Variants in NPM1 observed in about 807,000 individuals in gnomAD.
NPM1 encodes the protein nucleophosmin 1, also known as nucleophosmin.
In NPM1, 1 loss-of-function variant was observed where a neutral mutation model predicts 44.1. That is an observed-to-expected ratio of 0.02 (90% CI 0.01 to 0.11). NPM1 has a LOEUF of 0.11. Ranked by LOEUF, NPM1 falls within the 10% of genes least tolerant of loss-of-function variation. The pLI is 1.00. For synonymous variants in NPM1, 126 were observed against 111.8 expected (o/e 1.13, Z -0.80); for missense variants, 197 against 347.8 (o/e 0.57, Z 3.45).
rs80081351 is a variant in NPM1, at chr5:171,393,876, T to C, written c.524+898T>C. On this transcript the variant is annotated intron_variant, in intron 6 of 10. Transcript: ENST00000296930. ...GACCAGGCGCAGTGGTTCACACCCG[T>C]AATCCTAACACCCAGCCAAGATGAG... Among the ~76,000 whole-genome samples the C allele has an allele frequency of 6.9e-3, 1,044 of 152,256 alleles. 18 individuals are homozygous for C. The highest frequency in any genetic ancestry group is 0.066 in the South Asian group (318 of 4,820).
rs976394624 is a variant in NPM1 at position 171,387,883 on chromosome 5, T to C, written c.-66T>C. 10 of 1,483,710 alleles carry C rather than the reference T, an allele frequency of 6.7e-6. No individual in the cohort carries two copies. Among genetic ancestry groups the C allele is most frequent in the African/African-American group, 4.2e-5 (3 of 72,202 alleles). 91.9% of individuals were successfully genotyped at this position (1,483,710 alleles called of 1,614,324 possible). A position where few individuals can be genotyped will look rare whatever the true frequency, so the allele number is the denominator to read the frequency against. On this transcript the variant is annotated 5_prime_UTR_variant, in exon 1 of 11. Coordinates refer to ENST00000296930, the MANE Select transcript of NPM1 (RefSeq NM_002520.7). Reference sequence around the variant, plus strand: ...GTGTGATTCCGTCCTGCGCGGTTGTTCTCTGGAGCAGCGTTCTTTTATCTC... The same window carrying C: ...GTGTGATTCCGTCCTGCGCGGTTGTCCTCTGGAGCAGCGTTCTTTTATCTC...
intron 8 of NPM1, among the ~76,000 whole-genome samples, chr5:171,403,696 C>T (rs1365077157): frequency 6.1e-5 from 9 of 148,058 alleles, no homozygotes; most frequent in Non-Finnish European, 1.2e-4. Context: ...GCTGACCCCC[C>T]CACCTCCCTC....
chr5:171,397,114 C>T (rs1401202036), intron 6 of NPM1, among the ~76,000 whole-genome samples: 12 of 152,236 alleles, frequency 7.9e-5, no homozygotes, highest in African/African-American at 2.6e-4. Flanking sequence ...TAGTCAACCA[C>T]GAATGAACTT....
intron 6 of NPM1, 102 bp from the exon 7 acceptor site, chr5:171,400,051 T>G (rs1274921987): frequency 2.8e-6 from 2 of 725,646 alleles, no homozygotes; most frequent in Non-Finnish European, 4.9e-6. Context: ...AATGCTTCGA[T>G]AAACATGGGT....
chr5:171,402,102 C>A (rs1044737832), intron 8 of NPM1, among the ~76,000 whole-genome samples: 2 of 135,966 alleles, frequency 1.5e-5, no homozygotes, highest in Admixed American at 7.7e-5. Flanking sequence ...ACAATTTAAA[C>A]GAATAAATTT....
intron 8 of NPM1, among the ~76,000 whole-genome samples, chr5:171,404,624 C>G (rs1475397891): frequency 8.2e-5 from 10 of 122,384 alleles, no homozygotes; most frequent in Non-Finnish European, 1.5e-4. Context: ...GGATGGCGGC[C>G]GGGCGGAGAC....
intron 6 of NPM1, among the ~76,000 whole-genome samples, chr5:171,395,015 C>CT (rs1371279539): frequency 6.6e-6 from 1 of 151,308 alleles, no homozygotes; most frequent in Non-Finnish European, 1.5e-5. Flanking sequence ...CCGGTATCTA[C>CT]TAAAAATACA....
chr5:171,410,804 G>A lies in NPM1; in HGVS notation c.*239G>A. 5.3e-6 allele frequency: 2 copies of A among 380,822 alleles called. No homozygotes were observed. The highest frequency in any genetic ancestry group is 9.3e-6 in the Non-Finnish European group (2 of 213,964). 23.6% of individuals were successfully genotyped at this position (380,822 alleles called of 1,614,324 possible). A position where few individuals can be genotyped will look rare whatever the true frequency, so the allele number is the denominator to read the frequency against. On this transcript the variant is annotated 3_prime_UTR_variant, in exon 11 of 11. Transcript: ENST00000296930. ...GTATGGAATGTTATGATAGGACATA[G>A]TAGTAGCGGTGGTCAGACATGGAAA...
chr5:171,408,430 G>A (rs1401269622), intron 10 of NPM1, among the ~76,000 whole-genome samples: 2 of 152,134 alleles, frequency 1.3e-5, no homozygotes, highest in South Asian at 2.1e-4. Flanking sequence ...GCATTTAATG[G>A]TCTTTAGGTT....
chr5:171,394,009 A>G (rs184826125), intron 6 of NPM1, among the ~76,000 whole-genome samples: 1 of 151,808 alleles, frequency 6.6e-6, no homozygotes, highest in East Asian at 1.9e-4. Context: ...GCAAACTTAA[A>G]GGTAGTATTT....
At chr5:171,391,130 C>T in intron 2 of NPM1, 175 bp from the exon 3 acceptor site, 1 of 683,430 alleles carries the variant, frequency 1.5e-6, no homozygotes, top group Non-Finnish European at 2.4e-6. Flanking sequence ...GCTATACCAT[C>T]TAGGTTTGTA....
intron 8 of NPM1, among the ~76,000 whole-genome samples, chr5:171,403,606 CCCGGACGGGGCGGCTGG>C (rs1421147191): frequency 8.4e-6 from 1 of 118,828 alleles, no homozygotes; most frequent in Non-Finnish European, 1.9e-5. Flanking sequence ...CCCCTCACCT[CCCGGACGGGGCGGCTGG>C]CCGGGCAGGG....
At chr5:171,389,478 TG>T (rs1186716528) in intron 1 of NPM1, among the ~76,000 whole-genome samples, 1 of 152,248 alleles carries the variant, frequency 6.6e-6, no homozygotes, top group Non-Finnish European at 1.5e-5. Flanking sequence ...CAGTACTTTT[TG>T]ATAACTATCG....
upstream of NPM1, among the ~76,000 whole-genome samples, chr5:171,387,463 A>T (rs939185167): frequency 2.0e-5 from 3 of 152,204 alleles, no homozygotes; most frequent in African/African-American, 7.2e-5. Flanking sequence ...CTAACCCGCC[A>T]TATCTTACAC....
intron 8 of NPM1, among the ~76,000 whole-genome samples, chr5:171,401,549 G>A (rs1771203861): frequency 6.6e-6 from 1 of 152,166 alleles, no homozygotes; most frequent in South Asian, 2.1e-4. Context: ...CGATTCTCCT[G>A]CCTCAGCTTC....
intron 9 of NPM1, 95 bp from the exon 10 acceptor site, chr5:171,407,605 C>G: frequency 5.4e-6 from 4 of 743,860 alleles, no homozygotes; most frequent in Middle Eastern, 3.2e-4. Context: ...TAAACTGATC[C>G]ATGTAGTAGC....
chr5:171,388,053 C>T (rs1561861893), intron 1 of NPM1, 47 bp downstream of exon 1: 2 of 589,622 alleles, frequency 3.4e-6, no homozygotes, highest in Non-Finnish European at 3.2e-6. Context: ...GGCCTGGTGG[C>T]GGTGAGGGTG....
In NPM1 at chr5:171,400,917, A is replaced by G; in HGVS notation, c.661A>G (p.Arg221Gly). 6.2e-7 allele frequency: 1 copy of G among 1,610,226 alleles called. No homozygotes were observed. Among genetic ancestry groups the G allele is most frequent in the Non-Finnish European group, 8.5e-7 (1 of 1,176,930 alleles). ...AGACTCAAAACCATCATCAACACCA[A>G]GATCAAAAGTAAGTGGCTACATTTA... The part of the protein sequence containing the change: ...GKDSKPSSTP[R>G]SKGQESFKKQ... Residue 221 changes from arginine (R) to glycine (G), a missense_variant, in exon 8 of 11, where the codon AGA (arginine) becomes GGA (glycine). By Grantham distance (125) the Arg-to-Gly change is moderately radical. Coordinates refer to ENST00000296930, the MANE Select transcript of NPM1 (RefSeq NM_002520.7).
chr5:171,392,005 A>G (rs1223876296), intron 4 of NPM1, among the ~76,000 whole-genome samples: 1 of 151,944 alleles, frequency 6.6e-6, no homozygotes, highest in Non-Finnish European at 1.5e-5. Context: ...GTACAGTGGC[A>G]CGATCTTGGC....
Sources: allele counts gnomAD v4.1 joint callset (sites outside exome capture counted in the v4.1 genomes callset), GRCh38; gene constraint gnomAD v4.1.1; transcripts MANE v1.5; gene names NCBI Gene and HGNC (gene_info 2026-07-23, HGNC 2026-07-21).